PDK3: variants seen among roughly 807,000 people sequenced by gnomAD.
The protein encoded by PDK3 is pyruvate dehydrogenase kinase, isozyme 3.
A neutral mutation model predicts 32.0 loss-of-function variants in PDK3; 12 were observed. The ratio of observed to expected loss-of-function variants is 0.37; its 90% confidence interval spans 0.24 to 0.61. PDK3 has a LOEUF of 0.61. Among genes scored for constraint, PDK3 ranks in the 20% least tolerant of loss-of-function variants. The pLI, the probability that PDK3 is intolerant of heterozygous loss-of-function variation, is 0.65. For synonymous variants in PDK3, 122 were observed against 116.3 expected (o/e 1.05, Z -0.31); for missense variants, 188 against 316.9 (o/e 0.59, Z 3.09).
chrX:24,473,370 C>CA (rs1475610637), intron 1 of PDK3, among the ~76,000 whole-genome samples: 1 of 109,260 alleles, frequency 9.2e-6, no homozygotes, highest in African/African-American at 3.3e-5. Flanking sequence ...GACTCCGTCT[C>CA]AAAAAACAAA....
chrX:24,535,859 A>G (rs1323769817), downstream of PDK3, among the ~76,000 whole-genome samples: 3 of 104,118 alleles, frequency 2.9e-5, no homozygotes, highest in Non-Finnish European at 5.9e-5. Context: ...TAATTTTTAT[A>G]TTTTTAGTAG....
At position 24,465,378 on chromosome X, in the gene PDK3, C is replaced by T; in HGVS notation, c.-78C>T. 2 of 743,631 alleles carry T rather than the reference C, an allele frequency of 2.7e-6. No individual in the cohort carries two copies. The highest frequency in any genetic ancestry group is 2.0e-6 in the Non-Finnish European group (1 of 508,208). 61.3% of individuals were successfully genotyped at this position (743,631 alleles called of 1,213,427 possible). On this transcript the variant is annotated 5_prime_UTR_variant, in exon 1 of 11. Transcript: ENST00000379162. Reference sequence around the variant, plus strand: ...GGGGTGCGCGCTTCGCAAACGTGCCCTATCCGTGCGGCTTGGCTGCGCCAG... The same window carrying T: ...GGGGTGCGCGCTTCGCAAACGTGCCTTATCCGTGCGGCTTGGCTGCGCCAG...
intron 2 of PDK3, 148 bp from the exon 3 acceptor site, chrX:24,498,681 A>C (rs1385078369): frequency 5.4e-6 from 2 of 371,563 alleles, no homozygotes; most frequent in African/African-American, 5.3e-5. Flanking sequence ...GGCTTCCCTG[A>C]TGCACTTAAG....
chrX:24,548,669 G>A (rs1923043174), exon 12 of PDK3: 1 of 112,127 alleles, frequency 8.9e-6, no homozygotes. Flanking sequence ...AGAATGGAAT[G>A]CATATTAATA....
rs1027908088 is a variant in PDK3, at chrX:24,482,518, T to A, written c.107-12224T>A. On this transcript the variant is annotated intron_variant, in intron 1 of 10. Transcript: ENST00000379162. Reference sequence around the variant, plus strand: ...ATTGAGCTTTTAAACCTACGCTCTTTTCAGTTTAACATAGTATACCATTGT... The same window carrying A: ...ATTGAGCTTTTAAACCTACGCTCTTATCAGTTTAACATAGTATACCATTGT... 1.2e-4 allele frequency among the ~76,000 whole-genome samples: 14 copies of A among 112,154 alleles called. No homozygotes were observed. In the Admixed American group the frequency reaches 1.3e-3, roughly 11 times the overall value.
chrX:24,480,450 T>G (rs1370109564), intron 1 of PDK3, among the ~76,000 whole-genome samples: 2 of 112,270 alleles, frequency 1.8e-5, no homozygotes, highest in African/African-American at 6.5e-5. Context: ...CTCATGAGAA[T>G]TGTCTGGGGA....
chrX:24,511,210 C>T (rs1279581042), intron 5 of PDK3, among the ~76,000 whole-genome samples: 1 of 112,313 alleles, frequency 8.9e-6, no homozygotes, highest in Non-Finnish European at 1.9e-5. Context: ...TGGATGTCAG[C>T]CTCTTTTGAC....
Position 24,490,728 on chromosome X carries a change from T to C in PDK3, c.107-4014T>C, listed in dbSNP as rs6629869. Among the ~76,000 whole-genome samples, 175 of 110,832 alleles carry C rather than the reference T, an allele frequency of 1.6e-3. 1 individual carries two copies. The highest frequency in any genetic ancestry group is 5.5e-3 in the African/African-American group (167 of 30,454). ...TTACCTTCCTAAAATTGAAAAACCT[T>C]TAAATTCTGAAACCATCTAGATCTG... On this transcript the variant is annotated intron_variant, in intron 1 of 10. Coordinates refer to ENST00000379162, the MANE Select transcript of PDK3 (RefSeq NM_005391.5).
At chrX:24,477,957 A>T (rs1453779232) in intron 1 of PDK3, among the ~76,000 whole-genome samples, 1 of 112,123 alleles carries the variant, frequency 8.9e-6, no homozygotes, top group East Asian at 2.8e-4. Flanking sequence ...TTTATGTTGA[A>T]ATTTGGTGAG....
intron 5 of PDK3, among the ~76,000 whole-genome samples, chrX:24,517,784 A>C (rs1922293725): frequency 8.9e-6 from 1 of 112,129 alleles, no homozygotes; most frequent in Non-Finnish European, 1.9e-5. Context: ...ATCCTTTAAA[A>C]AGCGGACTGT....
chrX:24,498,286 G>A (rs1254727588), intron 2 of PDK3, among the ~76,000 whole-genome samples: 4 of 111,698 alleles, frequency 3.6e-5, no homozygotes, highest in South Asian at 3.8e-4. Context: ...AGGTCCAGCC[G>A]TAGGGTGAGC....
At position 24,506,801 on chromosome X, in the gene PDK3, CTTTTTTTT is replaced by C. The variant is rs10682263; in HGVS notation, c.595+1523_595+1530del. 2.7e-3 allele frequency among the ~76,000 whole-genome samples: 134 copies of C among 49,479 alleles called. 2 individuals carry two copies. The East Asian group carries it at 0.042, about 16-fold the overall frequency. The allele number at this position is 49,479 out of a possible 115,157, so 43.0% of individuals were successfully genotyped here. A position where few individuals can be genotyped will look rare whatever the true frequency, so the allele number is the denominator to read the frequency against. On this transcript the variant is annotated intron_variant, in intron 5 of 10. Transcript: ENST00000379162. ...TGTAGAACATTTTGTTTTTTTCTTT[CTTTTTTTT>C]TTTTTTTTTTTTTTTTTTTGAGACA...
At chrX:24,466,630 CT>C (rs202049510) in intron 1 of PDK3, among the ~76,000 whole-genome samples, 149 of 103,768 alleles carry the variant, frequency 1.4e-3, no homozygotes, top group Middle Eastern at 4.8e-3. Flanking sequence ...GATGTCCATA[CT>C]TTTTTTTTTT....
At chrX:24,536,810 T>C (rs757939658), downstream of PDK3, among the ~76,000 whole-genome samples, 2 of 111,507 alleles carry the variant, frequency 1.8e-5, no homozygotes, top group Non-Finnish European at 3.8e-5. Flanking sequence ...TCTAACTCTA[T>C]CACCATAGGT....
chrX:24,498,834 T>G lies in PDK3; in HGVS notation c.254T>G (p.Met85Arg). The G allele has an allele frequency of 8.9e-7, 1 of 1,120,195 alleles. No homozygotes were observed. The allele number at this position is 1,120,195 out of a possible 1,213,427, so 92.3% of individuals were successfully genotyped here. A position where few individuals can be genotyped will look rare whatever the true frequency, so the allele number is the denominator to read the frequency against. Residue 85 changes from methionine to arginine, a missense_variant, in exon 3 of 11, where the codon ATG becomes AGG. By Grantham distance (91) the Met-to-Arg change is moderately conservative (BLOSUM62 -1). Coordinates refer to ENST00000379162, the MANE Select transcript of PDK3 (RefSeq NM_005391.5). ...PSVGLVQSWY[M>R]QSFLELLEYE... ...TTTTTTTTTTTTCCTTTTAGGTATA[T>G]GCAGAGTTTTCTTGAACTTTTAGAA...
intron 6 of PDK3, among the ~76,000 whole-genome samples, chrX:24,519,947 C>G (rs1165158256): frequency 1.8e-5 from 2 of 112,231 alleles, no homozygotes; most frequent in Admixed American, 1.9e-4. Context: ...AATCCCAATA[C>G]TTTGGGAGGC....
At chrX:24,477,578 C>G (rs1326787142) in intron 1 of PDK3, among the ~76,000 whole-genome samples, 1 of 111,119 alleles carries the variant, frequency 9.0e-6, no homozygotes, top group Non-Finnish European at 1.9e-5. Context: ...TGTTGGTTTC[C>G]TTTTTATCTA....
At chrX:24,500,391 C>T (rs1023599274) in intron 3 of PDK3, among the ~76,000 whole-genome samples, 2 of 111,502 alleles carry the variant, frequency 1.8e-5, no homozygotes, top group Non-Finnish European at 3.8e-5. Flanking sequence ...TGGGTATCTG[C>T]GGGGATCCTG....
At chrX:24,521,536 C>G (rs1005745384) in intron 6 of PDK3, among the ~76,000 whole-genome samples, 6 of 110,714 alleles carry the variant, frequency 5.4e-5, no homozygotes, top group African/African-American at 2.0e-4. Context: ...CTGATGAGAA[C>G]CATCTTAATA....
Sources: allele counts gnomAD v4.1 joint callset (sites outside exome capture counted in the v4.1 genomes callset), GRCh38; gene constraint gnomAD v4.1.1; transcripts MANE v1.5; gene names NCBI Gene and HGNC (gene_info 2026-07-23, HGNC 2026-07-21).